The following CHN1 variants were observed in gnomAD, a reference collection of about 807,000 sequenced individuals.
CHN1 encodes chimerin 1, also known as N-chimaerin.
A neutral mutation model predicts 59.5 loss-of-function variants in CHN1; 37 were observed. The observed-to-expected ratio is 0.62, with a 90% confidence interval of 0.48 to 0.82. The LOEUF is 0.82. Ranked by LOEUF, CHN1 falls within the 40% of genes least tolerant of loss-of-function variation. CHN1 has a pLI of 0.00. For synonymous variants in CHN1, 206 were observed against 200.4 expected (o/e 1.03, Z -0.24); for missense variants, 469 against 571.0 (o/e 0.82, Z 1.82).
chr2:174,829,373 G>T (rs996040658), intron 7 of CHN1, among the ~76,000 whole-genome samples: 3 of 152,186 alleles, frequency 2.0e-5, no homozygotes, highest in Non-Finnish European at 4.4e-5. Context: ...CCTGGGCAAT[G>T]ACTTAGATAA....
At chr2:174,958,760 G>A (rs1416511512) in intron 1 of CHN1, among the ~76,000 whole-genome samples, 3 of 152,180 alleles carry the variant, frequency 2.0e-5, no homozygotes, top group South Asian at 4.2e-4. Context: ...AATTAAATTA[G>A]GTATCATCTA....
In CHN1 at chr2:174,894,687, T is replaced by G. The variant is rs74806339; in HGVS notation, c.261-16559A>C. Among the ~76,000 whole-genome samples, 396 of 152,216 alleles carry G rather than the reference T, an allele frequency of 2.6e-3. 1 individual carries two copies. The highest frequency in any genetic ancestry group is 9.1e-3 in the African/African-American group (377 of 41,558). On this transcript the variant is annotated intron_variant, in intron 5 of 12. Transcript: ENST00000409900. ...TTGCACACCCATATTCGCTGCAGCA[T>G]TGTTCACAATAGCCAAGATGTGAAA...
Position 175,004,943 on chromosome 2 carries a change from C to T in CHN1, c.-31G>A, listed in dbSNP as rs774160743. 1.4e-5 allele frequency: 22 copies of T among 1,527,510 alleles called. No individual in the cohort carries two copies. Among genetic ancestry groups the T allele is most frequent in the Non-Finnish European group, 1.8e-5 (21 of 1,140,814 alleles). The allele number at this position is 1,527,510 out of a possible 1,614,324, so 94.6% of individuals were successfully genotyped here. ...AGGCGCTCGCCGCCGCCCGCGAGTC[C>T]AGGCGCTCCTCCCAGGCGGGCTAGG... On this transcript the variant is annotated 5_prime_UTR_variant, in exon 1 of 13. Transcript: ENST00000409900.
At chr2:174,825,741 T>G (rs1685661975) in intron 7 of CHN1, among the ~76,000 whole-genome samples, 1 of 152,240 alleles carries the variant, frequency 6.6e-6, no homozygotes, top group African/African-American at 2.4e-5. Flanking sequence ...ATTGTCATTT[T>G]TACAATTGCT....
intron 8 of CHN1, among the ~76,000 whole-genome samples, chr2:174,822,342 T>C (rs1329783327): frequency 2.0e-5 from 3 of 152,200 alleles, no homozygotes; most frequent in Non-Finnish European, 4.4e-5. Context: ...ATGAATTCTT[T>C]CTCCTTTCCC....
At chr2:174,900,339 C>T (rs540429578) in intron 5 of CHN1, among the ~76,000 whole-genome samples, 26 of 152,020 alleles carry the variant, frequency 1.7e-4, no homozygotes, top group Non-Finnish European at 3.2e-4. Context: ...CCTGTCTCTA[C>T]ATAAAAATGA....
At chr2:175,004,840 C>G in intron 1 of CHN1, 54 bp downstream of exon 1, 2 of 1,269,640 alleles carry the variant, frequency 1.6e-6, no homozygotes, top group Admixed American at 2.8e-5. Context: ...CCCCCGCCCC[C>G]GAGCCCCGGG....
intron 1 of CHN1, among the ~76,000 whole-genome samples, chr2:174,986,096 T>C (rs137956560): frequency 1.4e-3 from 218 of 152,258 alleles, no homozygotes; most frequent in Non-Finnish European, 2.8e-3. Flanking sequence ...TCATGTGAAA[T>C]ATTTATAGCC....
At chr2:174,974,541 A>G (rs1204124216) in intron 1 of CHN1, among the ~76,000 whole-genome samples, 1 of 152,056 alleles carries the variant, frequency 6.6e-6, no homozygotes, top group Non-Finnish European at 1.5e-5. Flanking sequence ...AAATTCCCAT[A>G]ATATAACAAA....
rs967777948 is a variant in CHN1, at chr2:174,988,541, T to C, written c.19+16353A>G. On this transcript the variant is annotated intron_variant, in intron 1 of 12. Coordinates refer to ENST00000409900, the MANE Select transcript of CHN1 (RefSeq NM_001822.7). ...CTAATATTTTTTTCTTAGTGCTTTA[T>C]TAGTGATTACTTATAACAATATATT... 7.9e-5 allele frequency among the ~76,000 whole-genome samples: 12 copies of C among 152,320 alleles called. 1 individual carries two copies. The highest frequency in any genetic ancestry group is 2.4e-4 in the African/African-American group (10 of 41,572).
chr2:174,957,862 T>C (rs1416766180), intron 1 of CHN1, among the ~76,000 whole-genome samples: 2 of 152,148 alleles, frequency 1.3e-5, no homozygotes, highest in African/African-American at 2.4e-5. Flanking sequence ...AGAGAGTAAC[T>C]TGGGGCTTTG....
chr2:174,869,139 T>C (rs745332078), intron 6 of CHN1, among the ~76,000 whole-genome samples: 3 of 152,190 alleles, frequency 2.0e-5, no homozygotes, highest in Non-Finnish European at 2.9e-5. Flanking sequence ...CTCTTCTCCC[T>C]GCACCCAGGA....
intron 11 of CHN1, among the ~76,000 whole-genome samples, chr2:174,805,104 A>G (rs376611526): frequency 6.6e-6 from 1 of 152,228 alleles, no homozygotes. Context: ...TCAGTTGTCA[A>G]ATATACAAAA....
chr2:174,897,812 T>C (rs1688264786), intron 5 of CHN1, among the ~76,000 whole-genome samples: 1 of 152,072 alleles, frequency 6.6e-6, no homozygotes, highest in Non-Finnish European at 1.5e-5. Context: ...TCTGGGACTA[T>C]TAATAAAAAA....
intron 7 of CHN1, among the ~76,000 whole-genome samples, chr2:174,825,809 CTT>C (rs1250730119): frequency 2.6e-5 from 4 of 152,140 alleles, no homozygotes; most frequent in Admixed American, 2.6e-4. Context: ...AGATATGAAA[CTT>C]ATTTCTTCAA....
chr2:174,950,430 C>T (rs2105411062), intron 2 of CHN1, among the ~76,000 whole-genome samples: 1 of 152,008 alleles, frequency 6.6e-6, no homozygotes, highest in Middle Eastern at 3.4e-3. Context: ...CTACACCCAG[C>T]TAATTTTTTG....
chr2:174,985,165 G>A (rs898360537), intron 1 of CHN1, among the ~76,000 whole-genome samples: 10 of 152,110 alleles, frequency 6.6e-5, no homozygotes, highest in African/African-American at 2.4e-4. Flanking sequence ...TAATGTTTTA[G>A]TCTTCTATGA....
rs562469209 is a variant in CHN1 at position 175,002,839 on chromosome 2, T to A, written c.19+2055A>T. Among the ~76,000 whole-genome samples the A allele has an allele frequency of 3.3e-5, 5 of 152,232 alleles. No homozygotes were observed. In the East Asian group the frequency reaches 9.6e-4, roughly 29 times the overall value. ...TCTGTTCTAAGTTGGTCATTAAGAG[T>A]AAATATGAAGGGACATGAGGCACTT... is the stretch of plus-strand genomic sequence containing the variant. On this transcript the variant is annotated intron_variant, in intron 1 of 12. Transcript: ENST00000409900.
At chr2:174,893,493 A>G in intron 5 of CHN1, among the ~76,000 whole-genome samples, 1 of 152,226 alleles carries the variant, frequency 6.6e-6, no homozygotes. Flanking sequence ...GAAGATACTC[A>G]TGTTTACAGG....
Sources: gnomAD v4.1 joint callset for allele counts (sites outside exome capture counted in the v4.1 genomes callset) on GRCh38, gnomAD v4.1.1 for gene constraint, MANE v1.5 for transcripts, NCBI Gene and HGNC (gene_info 2026-07-23, HGNC 2026-07-21) for gene names.